DMD: variants seen among roughly 807,000 people sequenced by gnomAD.
DMD encodes the protein mutant dystrophin.
Under a neutral mutation model 330.1 loss-of-function variants are expected in DMD, and 63 were observed. That is an observed-to-expected ratio of 0.19 (90% CI 0.16 to 0.24). DMD has a LOEUF of 0.24. DMD is among the 10% of genes least tolerant of loss of function. DMD has a pLI of 1.00. For synonymous variants in DMD, 1,223 were observed against 959.8 expected, an observed-to-expected ratio of 1.27 and a Z score of -5.07; for missense variants, 3,344 against 2,684.1, an observed-to-expected ratio of 1.25 and a Z score of -5.43.
chrX:31,344,234 G>C (rs1262416835), intron 61 of DMD, among the ~76,000 whole-genome samples: 2 of 111,460 alleles, frequency 1.8e-5, no homozygotes, highest in Non-Finnish European at 3.8e-5. Flanking sequence ...AAAGGCTTAC[G>C]AATGTAAACA....
chrX:33,297,525 A>G (rs2053601060), intron 1 of DMD, among the ~76,000 whole-genome samples: 1 of 111,307 alleles, frequency 9.0e-6, no homozygotes, highest in Non-Finnish European at 1.9e-5. Flanking sequence ...TCTCAAAAAT[A>G]TATCTGTACT....
At chrX:33,120,244 G>C (rs2095414653) in intron 1 of DMD, among the ~76,000 whole-genome samples, 1 of 111,929 alleles carries the variant, frequency 8.9e-6, no homozygotes, top group African/African-American at 3.2e-5. Context: ...AGTGAGATTA[G>C]GAAAGGTAAG....
intron 2 of DMD, among the ~76,000 whole-genome samples, chrX:32,881,930 G>A (rs1044387345): frequency 6.3e-5 from 7 of 111,810 alleles, no homozygotes; most frequent in Non-Finnish European, 9.4e-5. Flanking sequence ...CTGGAGGAGG[G>A]ACAAAGGATT....
At chrX:32,631,589 G>T (rs1362303638) in intron 11 of DMD, among the ~76,000 whole-genome samples, 1 of 111,687 alleles carries the variant, frequency 9.0e-6, no homozygotes, top group Non-Finnish European at 1.9e-5. Flanking sequence ...GAGACATGAT[G>T]CTGGCATCTG....
At chrX:32,440,439 C>A (rs766222123) in intron 28 of DMD, among the ~76,000 whole-genome samples, 2 of 111,401 alleles carry the variant, frequency 1.8e-5, no homozygotes, top group African/African-American at 6.5e-5. Context: ...CTTACATTTT[C>A]TTCACATCTT....
At chrX:32,776,321 A>G (rs1425462420) in intron 7 of DMD, among the ~76,000 whole-genome samples, 1 of 104,271 alleles carries the variant, frequency 9.6e-6, no homozygotes, top group Non-Finnish European at 2.0e-5. Context: ...CCAGTTACCC[A>G]GTTCCAAAGT....
At chrX:31,216,003 T>A (rs16989447) in intron 64 of DMD, among the ~76,000 whole-genome samples, 10,474 of 112,305 alleles carry the variant, frequency 0.093, 554 homozygotes, top group African/African-American at 0.2. Context: ...GTATTTCCCA[T>A]TAAAGCTGCT....
At chrX:32,686,948 T>C (rs185519099) in intron 9 of DMD, among the ~76,000 whole-genome samples, 14 of 111,852 alleles carry the variant, frequency 1.3e-4, no homozygotes, top group Admixed American at 1.1e-3. Flanking sequence ...TAATCTTAGG[T>C]ACATGACTTA....
At chrX:31,740,800 A>C (rs1028665526) in intron 51 of DMD, among the ~76,000 whole-genome samples, 1 of 111,827 alleles carries the variant, frequency 8.9e-6, no homozygotes, top group African/African-American at 3.3e-5. Context: ...TCTTAAAATA[A>C]GACAACAACG....
At chrX:31,982,327 C>T (rs1970679014) in intron 44 of DMD, among the ~76,000 whole-genome samples, 1 of 111,616 alleles carries the variant, frequency 9.0e-6, no homozygotes, top group Non-Finnish European at 1.9e-5. Context: ...AAATAATGGA[C>T]AGAGACAATG....
chrX:32,274,899 G>T (rs1406767827), intron 43 of DMD, among the ~76,000 whole-genome samples: 2 of 111,651 alleles, frequency 1.8e-5, no homozygotes, highest in African/African-American at 6.5e-5. Context: ...AACTATATGG[G>T]GTTAATCTTT....
intron 4 of DMD, among the ~76,000 whole-genome samples, chrX:32,827,065 CCA>C (rs1557061628): frequency 1.3e-3 from 92 of 68,797 alleles, no homozygotes; most frequent in South Asian, 1.9e-3. Flanking sequence ...CACCCCCCCC[CCA>C]CACACACACA....
chrX:32,429,778 G>C (rs191338411), intron 29 of DMD, among the ~76,000 whole-genome samples: 1 of 109,242 alleles, frequency 9.2e-6, no homozygotes, highest in Non-Finnish European at 1.9e-5. Flanking sequence ...AGGGCTTGTG[G>C]CTGTAACTCC....
At chrX:32,572,191 T>A (rs748074757) in intron 15 of DMD, among the ~76,000 whole-genome samples, 4 of 111,685 alleles carry the variant, frequency 3.6e-5, no homozygotes, top group Non-Finnish European at 5.6e-5. Context: ...CATAAGTGAA[T>A]CTATTTTAAA....
intron 63 of DMD, among the ~76,000 whole-genome samples, chrX:31,225,076 T>C (rs1252498718): frequency 1.8e-5 from 2 of 112,719 alleles, no homozygotes; most frequent in Non-Finnish European, 3.7e-5. Context: ...GTGTATACAT[T>C]TGCCAAAATC....
At chrX:32,054,238 A>T (rs2096145864) in intron 44 of DMD, among the ~76,000 whole-genome samples, 2 of 108,552 alleles carry the variant, frequency 1.8e-5, no homozygotes, top group Non-Finnish European at 3.8e-5. Flanking sequence ...ACATGTGCAC[A>T]ACGTGCAGGT....
chrX:32,676,770 G>A (rs1602856024), intron 9 of DMD, among the ~76,000 whole-genome samples: 1 of 111,310 alleles, frequency 9.0e-6, no homozygotes, highest in East Asian at 2.8e-4. Flanking sequence ...CATATGTATT[G>A]AGGTATGATG....
chrX:32,276,583 T>C (rs770087267), intron 43 of DMD, among the ~76,000 whole-genome samples: 2 of 111,432 alleles, frequency 1.8e-5, no homozygotes, highest in African/African-American at 3.3e-5. Flanking sequence ...TGAGGACCCA[T>C]TTCTAGGCTC....
intron 60 of DMD, among the ~76,000 whole-genome samples, chrX:31,400,271 G>A (rs192836698): frequency 1.3e-4 from 15 of 111,520 alleles, no homozygotes; most frequent in Admixed American, 1.1e-3. Flanking sequence ...TTGGAAAGGC[G>A]AATCAGATAC....
Sources: allele counts gnomAD v4.1 joint callset (sites outside exome capture counted in the v4.1 genomes callset), GRCh38; gene constraint gnomAD v4.1.1; transcripts MANE v1.5; gene names NCBI Gene and HGNC (gene_info 2026-07-23, HGNC 2026-07-21).